Variants in SPART observed in about 807,000 individuals in gnomAD.
The protein encoded by SPART is spartin.
A neutral mutation model predicts 58.7 loss-of-function variants in SPART; 35 were observed. That is an observed-to-expected ratio of 0.60 (90% CI 0.46 to 0.79). The LOEUF is 0.79. SPART is among the 30% of genes least tolerant of loss of function. The pLI is 0.00. For synonymous variants in SPART, 284 were observed against 280.7 expected (o/e 1.01, Z -0.12); for missense variants, 730 against 786.1 (o/e 0.93, Z 0.85).
intron 8 of SPART, among the ~76,000 whole-genome samples, chr13:36,306,950 G>A (rs1325316171): frequency 6.6e-6 from 1 of 152,166 alleles, no homozygotes; most frequent in Non-Finnish European, 1.5e-5. Flanking sequence ...CTATAAAACA[G>A]CTTTTCATCA....
Position 36,326,611 on chromosome 13 carries a change from C to T in SPART, c.1252G>A (p.Glu418Lys), listed in dbSNP as rs767478599. The T allele has an allele frequency of 1.6e-5, 26 of 1,613,536 alleles. No homozygotes were observed. Among genetic ancestry groups the T allele is most frequent in the Non-Finnish European group, 2.2e-5 (26 of 1,179,870 alleles). ...TTGTGAGCCACTTTTTCACTCCATT[C>T]AGGTAATTCTTTTGGCTTTTCTTCT... is the stretch of plus-strand genomic sequence containing the variant. ...VPEEKPKELP[E>K]WSEKVAHNIL... Residue 418 changes from glutamate to lysine, a missense_variant, in exon 5 of 9, where the codon GAA (glutamate) becomes AAA (lysine). Physicochemically the swap from Glu to Lys is moderately conservative, Grantham distance 56. Transcript: ENST00000438666.
chr13:36,335,649 G>C lies in SPART; in HGVS notation c.182C>G (p.Ser61Ter). Residue 61 changes from serine to a stop codon, truncating the protein, a stop_gained, in exon 2 of 9, where the codon TCA becomes TGA. Coordinates refer to ENST00000438666, the MANE Select transcript of SPART (RefSeq NM_015087.5). LOFTEE classifies it high-confidence loss of function. ...GHLLRGISIS[S>*]KESEHTGPGW... ...AGGACCTGTGTGTTCAGACTCTTTT[G>C]ATGAAATGCTGATCCCTCTGAGCAG... The C allele has an allele frequency of 6.2e-7, 1 of 1,614,080 alleles. No individual in the cohort carries two copies. Among genetic ancestry groups the C allele is most frequent in the Non-Finnish European group, 8.5e-7 (1 of 1,179,984 alleles).
intron 1 of SPART, chr13:36,369,496 G>A (rs1428854631): frequency 6.6e-6 from 1 of 152,032 alleles, no homozygotes; most frequent in African/African-American, 2.4e-5. Flanking sequence ...AGCTGCTGAC[G>A]ACTGCCTGGA....
At chr13:36,329,657 T>G in intron 3 of SPART, 140 bp from the exon 4 acceptor site, 2 of 869,424 alleles carry the variant, frequency 2.3e-6, no homozygotes, top group South Asian at 3.0e-5. Flanking sequence ...TACTTTTGCT[T>G]TTTTCTCTAC....
chr13:36,312,218 G>T lies in SPART; in HGVS notation c.1660C>A (p.Gln554Lys). The change falls in exon 8 of 9, where the codon CAA becomes AAA. Residue 554 changes from glutamine (Q) to lysine (K), a missense_variant. Coordinates refer to ENST00000438666, the MANE Select transcript of SPART (RefSeq NM_015087.5). ...SSVQGFSTVW[Q>K]GLECAAKCIV... ...CATTTAGCTGCACATTCCAATCCTT[G>T]CCAGACAGTTGAAAATCCTGTAAAA... 1 of 1,614,122 alleles carries T rather than the reference G, an allele frequency of 6.2e-7. No homozygotes were observed. The highest frequency in any genetic ancestry group is 8.5e-7 in the Non-Finnish European group (1 of 1,179,982).
At chr13:36,320,945 A>C (rs1232627810) in intron 5 of SPART, among the ~76,000 whole-genome samples, 3 of 152,172 alleles carry the variant, frequency 2.0e-5, no homozygotes, top group Non-Finnish European at 4.4e-5. Flanking sequence ...CATCTTCAAG[A>C]AAAGTAGAAT....
chr13:36,363,194 A>T (rs1261951301), intron 1 of SPART, among the ~76,000 whole-genome samples: 1 of 152,234 alleles, frequency 6.6e-6, no homozygotes, highest in Non-Finnish European at 1.5e-5. Flanking sequence ...CAGTCTAAAG[A>T]TGAGTAATGA....
intron 7 of SPART, 32 bp from the exon 8 acceptor site, chr13:36,312,267 C>A: frequency 6.2e-7 from 1 of 1,613,832 alleles, no homozygotes; most frequent in Non-Finnish European, 8.5e-7. Context: ...CGATGTAAAT[C>A]TAGTCCAAAG....
intron 3 of SPART, among the ~76,000 whole-genome samples, chr13:36,330,551 T>C (rs968463487): frequency 2.0e-5 from 3 of 152,260 alleles, no homozygotes. Context: ...TATCTGCTGA[T>C]TGAAGGAGAG....
rs754621126 is a variant in SPART at position 36,335,632 on chromosome 13, T to C, written c.199A>G (p.Thr67Ala). 1.1e-5 allele frequency: 17 copies of C among 1,613,994 alleles called. No homozygotes were observed. The highest frequency in any genetic ancestry group is 1.4e-5 in the Non-Finnish European group (17 of 1,180,000). The change falls in exon 2 of 9, where the codon ACA becomes GCA. Residue 67 changes from threonine (T) to alanine (A), a missense_variant. By Grantham distance (58) the Thr-to-Ala change is moderately conservative. Transcript: ENST00000438666. ...ISISSKESEH[T>A]GPGWESARQM... ...CTAGCAGATTCCCACCCAGGACCTGTGTGTTCAGACTCTTTTGATGAAATG... is the reference window on the plus strand; with the variant it reads ...CTAGCAGATTCCCACCCAGGACCTGCGTGTTCAGACTCTTTTGATGAAATG...
chr13:36,329,836 A>C (rs1358220830), intron 3 of SPART, among the ~76,000 whole-genome samples: 2 of 152,198 alleles, frequency 1.3e-5, no homozygotes, highest in African/African-American at 4.8e-5. Flanking sequence ...TTAATGAATA[A>C]ATTTTAGTTA....
At chr13:36,334,462 T>G (rs1347237618) in intron 2 of SPART, among the ~76,000 whole-genome samples, 4 of 152,142 alleles carry the variant, frequency 2.6e-5, no homozygotes, top group African/African-American at 9.7e-5. Flanking sequence ...TCATGAGGGC[T>G]GTCCTGTGAA....
intron 5 of SPART, 159 bp downstream of exon 5, chr13:36,326,416 T>G (rs567065388): frequency 1.2e-6 from 1 of 809,952 alleles, no homozygotes; most frequent in East Asian, 2.7e-5. Flanking sequence ...TATCTGATGT[T>G]TCAAAAGACT....
At chr13:36,356,846 A>G (rs546784266) in intron 1 of SPART, among the ~76,000 whole-genome samples, 1 of 152,344 alleles carries the variant, frequency 6.6e-6, no homozygotes, top group South Asian at 2.1e-4. Context: ...GATACATGGA[A>G]GTTAGTGTGC....
intron 1 of SPART, among the ~76,000 whole-genome samples, chr13:36,337,075 T>C (rs1884081805): frequency 6.6e-6 from 1 of 152,226 alleles, no homozygotes. Flanking sequence ...GAGTGATGAC[T>C]ACAAGGGTGT....
chr13:36,321,317 CCA>C (rs1352666273), intron 5 of SPART, among the ~76,000 whole-genome samples: 1 of 152,216 alleles, frequency 6.6e-6, no homozygotes, highest in Non-Finnish European at 1.5e-5. Flanking sequence ...CCCCAAACTG[CCA>C]CTCTTAACTC....
In SPART at chr13:36,302,093, G is replaced by A. The variant is rs1880041658; in HGVS notation, c.*2272C>T. ...ACATGTGTGATTAAAAAATGGCAAG[G>A]AACAATAAAAAATGACATGGGGAAA... On this transcript the variant is annotated 3_prime_UTR_variant, in exon 9 of 9. Coordinates refer to ENST00000438666, the MANE Select transcript of SPART (RefSeq NM_015087.5). 1 of 151,962 alleles carries A rather than the reference G, an allele frequency of 6.6e-6. No individual in the cohort carries two copies. Among genetic ancestry groups the A allele is most frequent in the African/African-American group, 2.4e-5 (1 of 41,364 alleles). 9.4% of individuals were successfully genotyped at this position (151,962 alleles called of 1,614,324 possible). A position where few individuals can be genotyped will look rare whatever the true frequency, so the allele number is the denominator to read the frequency against.
chr13:36,326,598 T>G lies in SPART; in HGVS notation c.1265A>C (p.Lys422Thr). ...KPKELPEWSE[K>T]VAHNILSGAS... ...ACCTGACAAAATGTTGTGAGCCACT[T>G]TTTCACTCCATTCAGGTAATTCTTT... The change falls in exon 5 of 9, where the codon AAA becomes ACA. Residue 422 changes from lysine (K) to threonine (T), a missense_variant. By Grantham distance (78) the Lys-to-Thr change is moderately conservative. Transcript: ENST00000438666. 1 of 1,613,566 alleles carries G rather than the reference T, an allele frequency of 6.2e-7. No individual in the cohort carries two copies. Among genetic ancestry groups the G allele is most frequent in the Non-Finnish European group, 8.5e-7 (1 of 1,179,872 alleles).
chr13:36,306,953 T>A (rs1055889559), intron 8 of SPART, among the ~76,000 whole-genome samples: 1 of 152,198 alleles, frequency 6.6e-6, no homozygotes, highest in Non-Finnish European at 1.5e-5. Flanking sequence ...TAAAACAGCT[T>A]TTCATCAGTT....
Sources: gnomAD v4.1 joint callset for allele counts (sites outside exome capture counted in the v4.1 genomes callset) on GRCh38, gnomAD v4.1.1 for gene constraint, MANE v1.5 for transcripts, NCBI Gene and HGNC (gene_info 2026-07-23, HGNC 2026-07-21) for gene names.